Variants in HIVEP2 observed in about 807,000 individuals in gnomAD.
HIVEP2 encodes the protein HIVEP zinc finger 2.
HIVEP2 carries 14 observed loss-of-function variants against 180.7 expected under a neutral mutation model. The observed-to-expected ratio is 0.08, with a 90% confidence interval of 0.05 to 0.12. The LOEUF (loss-of-function observed/expected upper bound fraction) is 0.12, where lower values mean the gene tolerates loss of function less well. Ranked by LOEUF, HIVEP2 falls within the 10% of genes least tolerant of loss-of-function variation. HIVEP2 has a pLI of 1.00. For synonymous variants in HIVEP2, 1,184 were observed against 1,136.4 expected (o/e 1.04, Z -0.84); for missense variants, 2,579 against 3,008.5 (o/e 0.86, Z 3.34).
intron 1 of HIVEP2, among the ~76,000 whole-genome samples, chr6:142,914,283 G>A (rs1054339019): frequency 1.8e-4 from 28 of 151,860 alleles, no homozygotes; most frequent in Non-Finnish European, 1.0e-4. Flanking sequence ...TACTATGGAT[G>A]GCATCTTTCA....
At chr6:142,844,709 G>C (rs979174975) in intron 1 of HIVEP2, among the ~76,000 whole-genome samples, 10 of 152,224 alleles carry the variant, frequency 6.6e-5, no homozygotes, top group African/African-American at 2.4e-4. Flanking sequence ...CTGCGATTGG[G>C]CCGAACAAGA....
intron 2 of HIVEP2, among the ~76,000 whole-genome samples, chr6:142,806,625 T>C (rs896564110): frequency 2.0e-5 from 3 of 152,198 alleles, no homozygotes; most frequent in African/African-American, 4.8e-5. Flanking sequence ...CAAGGTATAA[T>C]GGCAGGCTTT....
At position 142,883,794 on chromosome 6, in the gene HIVEP2, CT is replaced by C. The variant is rs61598349; in HGVS notation, c.-640-46748del. ...TTTCTAATTAGATGCATTGTGAAGG[CT>C]TAATTCATTCAACTACTAATAACTC... On this transcript the variant is annotated intron_variant, in intron 1 of 9. Coordinates refer to ENST00000367603, the MANE Select transcript of HIVEP2 (RefSeq NM_006734.4). Among the ~76,000 whole-genome samples the C allele has an allele frequency of 7.0e-3, 1,064 of 152,266 alleles. 9 individuals carry two copies. The highest frequency in any genetic ancestry group is 0.024 in the African/African-American group (1,004 of 41,558).
Position 142,751,856 on chromosome 6 carries a change from T to C in HIVEP2, c.*1251A>G, listed in dbSNP as rs1475933285. 1 of 152,722 alleles carries C rather than the reference T, an allele frequency of 6.5e-6. No individual in the cohort carries two copies. The highest frequency in any genetic ancestry group is 2.4e-5 in the African/African-American group (1 of 41,432). The allele number at this position is 152,722 out of a possible 1,614,324, so 9.5% of individuals were successfully genotyped here. A position where few individuals can be genotyped will look rare whatever the true frequency, so the allele number is the denominator to read the frequency against. ...CCCCTAACACAGATGTTAACCCTGT[T>C]CCCATGTAAACCGGCTGACAGGAAG... On this transcript the variant is annotated 3_prime_UTR_variant, in exon 10 of 10. Transcript: ENST00000367603.
intron 1 of HIVEP2, among the ~76,000 whole-genome samples, chr6:142,862,620 G>T (rs927186000): frequency 1.4e-5 from 2 of 142,236 alleles, no homozygotes; most frequent in African/African-American, 5.1e-5. Context: ...TCGATTATAT[G>T]TATTATATAT....
At chr6:142,898,134 C>T (rs899866171) in intron 1 of HIVEP2, among the ~76,000 whole-genome samples, 2 of 152,170 alleles carry the variant, frequency 1.3e-5, no homozygotes, top group African/African-American at 4.8e-5. Context: ...TAACAACCTA[C>T]CCTTTATTTG....
intron 2 of HIVEP2, among the ~76,000 whole-genome samples, chr6:142,816,518 T>A (rs1247639937): frequency 6.6e-6 from 1 of 152,190 alleles, no homozygotes; most frequent in Non-Finnish European, 1.5e-5. Context: ...ACTTCTGAAG[T>A]CGCTTTGGAT....
In HIVEP2 at chr6:142,760,084, T is replaced by C. The variant is rs1249642637; in HGVS notation, c.6204A>G (p.Gly2068=). The change falls in exon 9 of 10, where the codon GGA becomes GGG. Residue 2068 remains glycine (G), a synonymous_variant. Coordinates refer to ENST00000367603, the MANE Select transcript of HIVEP2 (RefSeq NM_006734.4). Reference sequence around the variant, plus strand: ...ATAAATGTCTCCTGGGAGATAAATCTCCTTTGGGTATCAGATACCTCTTTG... The same window carrying C: ...ATAAATGTCTCCTGGGAGATAAATCCCCTTTGGGTATCAGATACCTCTTTG... ...NSPKRYLIPK[G]DLSPRRHLSP... is the part of the protein sequence containing the mutation. 6.2e-7 allele frequency: 1 copy of C among 1,614,088 alleles called. No individual in the cohort carries two copies. Among genetic ancestry groups the C allele is most frequent in the Non-Finnish European group, 8.5e-7 (1 of 1,179,962 alleles).
chr6:142,915,470 C>A (rs1263281196), intron 1 of HIVEP2, among the ~76,000 whole-genome samples: 2 of 152,180 alleles, frequency 1.3e-5, no homozygotes, highest in African/African-American at 2.4e-5. Flanking sequence ...GAAGAGCTAA[C>A]CCTGCTGACA....
At position 142,773,123 on chromosome 6, in the gene HIVEP2, G is replaced by A; in HGVS notation, c.1616C>T (p.Pro539Leu). The A allele has an allele frequency of 6.2e-7, 1 of 1,614,216 alleles. No individual in the cohort carries two copies. The highest frequency in any genetic ancestry group is 8.5e-7 in the Non-Finnish European group (1 of 1,180,036). The change falls in exon 5 of 10, where the codon CCC becomes CTC. Residue 539 changes from proline to leucine, a missense_variant. Coordinates refer to ENST00000367603, the MANE Select transcript of HIVEP2 (RefSeq NM_006734.4). ...TGGCACTGAGTTGCTTCTAATAAGG[G>A]GTGAAGAGTCTACAGGAGCTTCTAA... Reference protein sequence around the residue: ...VLLEAPVDSSPLIRSNSVPTS... With the variant: ...VLLEAPVDSSLLIRSNSVPTS...
chr6:142,928,633 T>G (rs1777869741), intron 1 of HIVEP2, among the ~76,000 whole-genome samples: 1 of 152,240 alleles, frequency 6.6e-6, no homozygotes, highest in Non-Finnish European at 1.5e-5. Flanking sequence ...TAATACAACT[T>G]TATCACATGA....
intron 2 of HIVEP2, among the ~76,000 whole-genome samples, chr6:142,834,388 T>C (rs1775171605): frequency 6.6e-6 from 1 of 152,204 alleles, no homozygotes. Context: ...TGTATAATTA[T>C]CAGCAAATTA....
chr6:142,889,813 A>G (rs867425904), intron 1 of HIVEP2, among the ~76,000 whole-genome samples: 2 of 152,202 alleles, frequency 1.3e-5, no homozygotes, highest in Non-Finnish European at 2.9e-5. Flanking sequence ...TGTCCACTAG[A>G]CAGGTATCTA....
intron 1 of HIVEP2, among the ~76,000 whole-genome samples, chr6:142,923,209 G>C (rs1002382425): frequency 2.0e-5 from 3 of 152,050 alleles, no homozygotes; most frequent in African/African-American, 7.2e-5. Context: ...GTGGGAGCCT[G>C]TAATCCCAGC....
At chr6:142,874,333 AT>A (rs913298755) in intron 1 of HIVEP2, among the ~76,000 whole-genome samples, 109 of 151,828 alleles carry the variant, frequency 7.2e-4, no homozygotes, top group African/African-American at 2.6e-3. Context: ...CCATTTTTAG[AT>A]TTTTTTTTCT....
chr6:142,885,340 T>C (rs1400006841), intron 1 of HIVEP2, among the ~76,000 whole-genome samples: 1 of 151,940 alleles, frequency 6.6e-6, no homozygotes, highest in Non-Finnish European at 1.5e-5. Flanking sequence ...CCCTCCCCTT[T>C]CTTCTCTCGT....
rs534174184 is a variant in HIVEP2 at position 142,857,218 on chromosome 6, G to GA, written c.-640-20172dup. On this transcript the variant is annotated intron_variant, in intron 1 of 9. Coordinates refer to ENST00000367603, the MANE Select transcript of HIVEP2 (RefSeq NM_006734.4). ...GAAGCTTGAGTTCATGAGCAAATTA[G>GA]AAAAAAAAAAAAAGTCATTTGCCAT... Among the ~76,000 whole-genome samples, 241 of 126,848 alleles carry GA rather than the reference G, an allele frequency of 1.9e-3. 1 individual carries two copies. Among genetic ancestry groups the GA allele is most frequent in the East Asian group, 9.0e-3 (40 of 4,434 alleles). The allele number at this position is 126,848 out of a possible 152,430, so 83.2% of individuals were successfully genotyped here. A position where few individuals can be genotyped will look rare whatever the true frequency, so the allele number is the denominator to read the frequency against.
intron 2 of HIVEP2, among the ~76,000 whole-genome samples, chr6:142,811,803 T>C (rs576532015): frequency 1.3e-5 from 2 of 152,314 alleles, no homozygotes; most frequent in South Asian, 2.1e-4. Flanking sequence ...CTAACGGATA[T>C]CATATCAATG....
chr6:142,932,409 T>C (rs1190377886), intron 1 of HIVEP2, among the ~76,000 whole-genome samples: 1 of 152,140 alleles, frequency 6.6e-6, no homozygotes, highest in East Asian at 1.9e-4. Context: ...TCTAAGCCAG[T>C]TGGTAAGAGG....
Sources: allele counts gnomAD v4.1 joint callset (sites outside exome capture counted in the v4.1 genomes callset), GRCh38; gene constraint gnomAD v4.1.1; transcripts MANE v1.5; gene names NCBI Gene and HGNC (gene_info 2026-07-23, HGNC 2026-07-21).